Variants in CFTR observed in about 807,000 individuals in gnomAD.
The protein encoded by CFTR is CF transmembrane conductance regulator.
In CFTR, 181 loss-of-function variants were observed where a neutral mutation model predicts 171.6. The observed-to-expected ratio is 1.05, with a 90% CI of 0.93 to 1.19. CFTR has a LOEUF of 1.19. Ranked by LOEUF, CFTR falls within the 50% of genes most tolerant of loss-of-function variation. CFTR has a pLI of 0.00. For missense variants in CFTR, 1,968 were observed against 1,734.7 expected (o/e 1.13, Z -2.39); for synonymous variants, 583 against 608.0 (o/e 0.96, Z 0.60).
chr7:117,495,422 C>T (rs1798222057), intron 1 of CFTR, among the ~76,000 whole-genome samples: 1 of 152,094 alleles, frequency 6.6e-6, no homozygotes, highest in South Asian at 2.1e-4. Flanking sequence ...CTTATTATTG[C>T]CTCTCAAGTG....
chr7:117,625,177 G>A (rs976911942), intron 21 of CFTR, among the ~76,000 whole-genome samples: 1 of 152,170 alleles, frequency 6.6e-6, no homozygotes, highest in Non-Finnish European at 1.5e-5. Context: ...CCAGTCTTAA[G>A]ATTAAATCAC....
intron 11 of CFTR, among the ~76,000 whole-genome samples, chr7:117,569,599 A>G (rs375814061): frequency 1.3e-5 from 2 of 152,234 alleles, no homozygotes; most frequent in Admixed American, 6.5e-5. Context: ...AAATAACAGT[A>G]TGAGGGAGCC....
In CFTR at chr7:117,533,972, A is replaced by G. The variant is rs1409603456; in HGVS notation, c.490-304A>G. 2.6e-5 allele frequency among the ~76,000 whole-genome samples: 4 copies of G among 152,128 alleles called. No homozygotes were observed. The East Asian group carries it at 7.7e-4, about 29-fold the overall frequency. On this transcript the variant is annotated intron_variant, in intron 4 of 26. Coordinates refer to ENST00000003084, the MANE Select transcript of CFTR (RefSeq NM_000492.4). ...TCTATCTTTTAAAACAAAACAAAAA[A>G]CTCCCGCACAATATCAATGGGTATT...
Position 117,668,197 on chromosome 7 carries a change from T to C in CFTR, c.*1089T>C, listed in dbSNP as rs2116228840. 6.6e-6 allele frequency: 1 copy of C among 152,370 alleles called. No homozygotes were observed. Among genetic ancestry groups the C allele is most frequent in the Admixed American group, 6.5e-5 (1 of 15,312 alleles). The allele number at this position is 152,370 out of a possible 1,614,324, so 9.4% of individuals were successfully genotyped here. ...TGAATTAGTTTTATATGCTTCTGTTTTATAATTTTGTGAAGCAAAATTTTT... is the reference window on the plus strand; with the variant it reads ...TGAATTAGTTTTATATGCTTCTGTTCTATAATTTTGTGAAGCAAAATTTTT... On this transcript the variant is annotated 3_prime_UTR_variant, in exon 27 of 27. Transcript: ENST00000003084.
chr7:117,665,464 A>G lies in CFTR; in HGVS notation c.4142A>G (p.Tyr1381Cys), dbSNP rs776388660. ...GTATTTTCTTTCTTTTCTAGAACAT[A>G]CCAAATAATTAGAAGAACTCTAAAA... ...EPSAHLDPVT[Y>C]QIIRRTLKQA... Residue 1381 changes from tyrosine to cysteine, a missense_variant, in exon 26 of 27, where the codon TAC (tyrosine) becomes TGC (cysteine). Transcript: ENST00000003084. 3.8e-6 allele frequency: 6 copies of G among 1,590,032 alleles called. No individual in the cohort carries two copies. The highest frequency in any genetic ancestry group is 5.2e-6 in the Non-Finnish European group (6 of 1,158,408).
intron 20 of CFTR, among the ~76,000 whole-genome samples, chr7:117,612,034 T>TAC: frequency 1.3e-5 from 1 of 77,328 alleles, no homozygotes; most frequent in South Asian, 3.8e-4. Context: ...TATATATATA[T>TAC]ATATATATAT....
At chr7:117,642,381 G>A in intron 22 of CFTR, 57 bp from the exon 23 acceptor site, 2 of 1,468,082 alleles carry the variant, frequency 1.4e-6, no homozygotes, top group South Asian at 2.3e-5. Context: ...ACTGAATTAT[G>A]TTTATGGCAT....
In CFTR at chr7:117,610,582, G is replaced by A. The variant is rs757069965; in HGVS notation, c.3052G>A (p.Ala1018Thr). Residue 1018 changes from alanine to threonine, a missense_variant, in exon 19 of 27, where the codon GCA (alanine) becomes ACA (threonine). Transcript: ENST00000003084. ...AGTTTTACAACCCTACATCTTTGTT[G>A]CAACAGTGCCAGTGATAGTGGCTTT... ...VAVLQPYIFVATVPVIVAFIM... is the reference protein window; with the variant it reads ...VAVLQPYIFVTTVPVIVAFIM... The A allele has an allele frequency of 1.9e-6, 3 of 1,613,450 alleles. No homozygotes were observed. Among genetic ancestry groups the A allele is most frequent in the Admixed American group, 1.7e-5 (1 of 59,954 alleles).
rs1275730927 is a variant in CFTR at position 117,653,037 on chromosome 7, G to A, written c.3963+106G>A. On this transcript the variant is annotated intron_variant, in intron 24 of 26. Transcript: ENST00000003084. ...ACACTTTGTGTGCATGTATGTGTGTGCACAACTTTAAAATGGAGTACCCTA... is the reference window on the plus strand; with the variant it reads ...ACACTTTGTGTGCATGTATGTGTGTACACAACTTTAAAATGGAGTACCCTA... 24 of 788,338 alleles carry A rather than the reference G, an allele frequency of 3.0e-5. No individual in the cohort carries two copies. The Admixed American group carries it at 4.2e-4, about 14-fold the overall frequency. The allele number at this position is 788,338 out of a possible 1,614,324, so 48.8% of individuals were successfully genotyped here.
At chr7:117,496,063 A>G (rs1198273127) in intron 1 of CFTR, among the ~76,000 whole-genome samples, 1 of 152,064 alleles carries the variant, frequency 6.6e-6, no homozygotes, top group African/African-American at 2.4e-5. Flanking sequence ...GACAACTACA[A>G]ATGTACTTTC....
At chr7:117,657,082 T>G (rs918590952) in intron 24 of CFTR, among the ~76,000 whole-genome samples, 1 of 152,192 alleles carries the variant, frequency 6.6e-6, no homozygotes, top group Non-Finnish European at 1.5e-5. Flanking sequence ...CTTCAGAGAA[T>G]GCACTATAGG....
chr7:117,641,938 A>G (rs954007134), intron 22 of CFTR, among the ~76,000 whole-genome samples: 3 of 152,196 alleles, frequency 2.0e-5, no homozygotes, highest in Admixed American at 6.5e-5. Flanking sequence ...TGCTGCCTGA[A>G]CATATCATTG....
At chr7:117,523,390 T>TG (rs945193740) in intron 3 of CFTR, among the ~76,000 whole-genome samples, 17 of 151,548 alleles carry the variant, frequency 1.1e-4, no homozygotes, top group African/African-American at 3.6e-4. Flanking sequence ...TGTTTTTTTT[T>TG]TTTTGAGACA....
Position 117,540,352 on chromosome 7 carries a change from G to A in CFTR, c.1116+6G>A, listed in dbSNP as rs762964768. On this transcript the variant is annotated splice_donor_region_variant and intron_variant, in intron 8 of 26. Coordinates refer to ENST00000003084, the MANE Select transcript of CFTR (RefSeq NM_000492.4). ...GAGCAATAAACAAAATACAGGTAAT[G>A]TACCATAATGCTGCATTATATACTA... is the stretch of plus-strand genomic sequence containing the variant. 13 of 1,611,388 alleles carry A rather than the reference G, an allele frequency of 8.1e-6. No homozygotes were observed. Among genetic ancestry groups the A allele is most frequent in the Non-Finnish European group, 1.1e-5 (13 of 1,177,720 alleles).
intron 23 of CFTR, 51 bp from the exon 24 acceptor site, chr7:117,652,791 A>T (rs1793106927): frequency 1.1e-6 from 1 of 919,542 alleles, no homozygotes; most frequent in Non-Finnish European, 1.7e-6. Context: ...GGAAAAATAA[A>T]AAGTTATTTA....
At chr7:117,519,938 A>G (rs1212789073) in intron 3 of CFTR, among the ~76,000 whole-genome samples, 1 of 151,938 alleles carries the variant, frequency 6.6e-6, no homozygotes, top group African/African-American at 2.4e-5. Flanking sequence ...ATACAAATAA[A>G]TTGCTTTCCA....
At chr7:117,535,776 C>T (rs1017394958) in intron 6 of CFTR, among the ~76,000 whole-genome samples, 2 of 151,976 alleles carry the variant, frequency 1.3e-5, no homozygotes, top group South Asian at 2.1e-4. Flanking sequence ...TCAGGTGATC[C>T]GCCCACCTCG....
At chr7:117,657,446 G>A (rs1227182378) in intron 24 of CFTR, among the ~76,000 whole-genome samples, 8 of 152,114 alleles carry the variant, frequency 5.3e-5, no homozygotes, top group Admixed American at 5.2e-4. Context: ...GTAGTGATAG[G>A]TTTTTGATGA....
rs397508365 is a variant in CFTR, at chr7:117,592,494, C to T, written c.2327C>T (p.Ser776Leu). The T allele has an allele frequency of 5.8e-6, 9 of 1,544,030 alleles. No homozygotes were observed. The highest frequency in any genetic ancestry group is 7.8e-6 in the Non-Finnish European group (9 of 1,148,364). Residue 776 changes from serine (S) to leucine (L), a missense_variant, in exon 14 of 27, where the codon TCA becomes TTA. Transcript: ENST00000003084. ...RQSVLNLMTHSVNQGQNIHRK... is the reference protein window; with the variant it reads ...RQSVLNLMTHLVNQGQNIHRK... ...TCTGTCCTGAACCTGATGACACACT[C>T]AGTTAACCAAGGTCAGAACATTCAC...
Sources: allele counts gnomAD v4.1 joint callset (sites outside exome capture counted in the v4.1 genomes callset), GRCh38; gene constraint gnomAD v4.1.1; transcripts MANE v1.5; gene names NCBI Gene and HGNC (gene_info 2026-07-23, HGNC 2026-07-21).